The following SEPTIN11 variants were observed in gnomAD, a reference collection of about 807,000 sequenced individuals.
The protein encoded by SEPTIN11 is septin 11, also known as septin-11.
Under a neutral mutation model 51.4 loss-of-function variants are expected in SEPTIN11, and 25 were observed. The ratio of observed to expected loss-of-function variants is 0.49; its 90% CI spans 0.35 to 0.68. SEPTIN11 has a LOEUF of 0.68. Among genes scored for constraint, SEPTIN11 ranks in the 30% least tolerant of loss-of-function variants. The pLI is 0.00. For missense variants in SEPTIN11, 381 were observed against 520.8 expected, an observed-to-expected ratio of 0.73 and a Z score of 2.61; for synonymous variants, 174 against 184.1, an observed-to-expected ratio of 0.95 and a Z score of 0.44.
chr4:77,030,700 T>C lies in SEPTIN11; in HGVS notation c.1087-83T>C. On this transcript the variant is annotated intron_variant, in intron 8 of 9. Transcript: ENST00000264893. ...GTGAGCCACCGTGCCTGGCCATGTTTTGTTTTTTGAACAGATCCAAAGAAC... is the reference window on the plus strand; with the variant it reads ...GTGAGCCACCGTGCCTGGCCATGTTCTGTTTTTTGAACAGATCCAAAGAAC... 2.2e-6 allele frequency: 3 copies of C among 1,337,676 alleles called. No individual in the cohort carries two copies. In the South Asian group the frequency reaches 4.6e-5, roughly 20 times the overall value. The allele number at this position is 1,337,676 out of a possible 1,614,324, so 82.9% of individuals were successfully genotyped here. A position where few individuals can be genotyped will look rare whatever the true frequency, so the allele number is the denominator to read the frequency against.
At chr4:77,014,307 A>G (rs909417922) in intron 4 of SEPTIN11, among the ~76,000 whole-genome samples, 14 of 152,176 alleles carry the variant, frequency 9.2e-5, no homozygotes, top group Non-Finnish European at 1.5e-4. Context: ...CAGAAGAAAG[A>G]AAGGATGTTG....
Position 77,036,963 on chromosome 4 carries a change from T to C in SEPTIN11, c.*2451T>C, listed in dbSNP as rs1425740484. 3 of 1,276,458 alleles carry C rather than the reference T, an allele frequency of 2.4e-6. No homozygotes were observed. In the African/African-American group the frequency reaches 4.6e-5, roughly 20 times the overall value. 79.1% of individuals were successfully genotyped at this position (1,276,458 alleles called of 1,614,324 possible). On this transcript the variant is annotated 3_prime_UTR_variant, in exon 10 of 10. Coordinates refer to ENST00000264893, the MANE Select transcript of SEPTIN11 (RefSeq NM_018243.4). ...AGGAAGGTAATGGTTTGAGTAGCCT[T>C]TGTTTAAAAAAAAGACTAAATATAT...
At chr4:77,023,074 G>T (rs1725836304) in intron 7 of SEPTIN11, among the ~76,000 whole-genome samples, 1 of 152,090 alleles carries the variant, frequency 6.6e-6, no homozygotes, top group African/African-American at 2.4e-5. Context: ...GGCCCAGCAG[G>T]GCTTCTGCAA....
rs188450733 is a variant in SEPTIN11 at position 76,966,812 on chromosome 4, C to T, written c.27+16882C>T. On this transcript the variant is annotated intron_variant, in intron 1 of 9. Coordinates refer to ENST00000264893, the MANE Select transcript of SEPTIN11 (RefSeq NM_018243.4). ...CTGGGAGTTTCAGGCTGCAGTGAGC[C>T]GAGATTGTGCCACTGTACTCCAGCC... 4.9e-4 allele frequency among the ~76,000 whole-genome samples: 75 copies of T among 151,978 alleles called. 1 individual carries two copies. The South Asian group carries it at 5.6e-3, about 11-fold the overall frequency.
In SEPTIN11 at chr4:77,030,551, C is replaced by A. The variant is rs372605844; in HGVS notation, c.1087-232C>A. On this transcript the variant is annotated intron_variant, in intron 8 of 9. Transcript: ENST00000264893. ...AGCAGGGATTACAGGCACCCGCCAC[C>A]ACGCCTGGCTAATTTTTGTATTTTT... Among the ~76,000 whole-genome samples, 183 of 152,148 alleles carry A rather than the reference C, an allele frequency of 1.2e-3. 1 individual carries two copies. The highest frequency in any genetic ancestry group is 4.1e-3 in the African/African-American group (169 of 41,526).
At chr4:77,014,647 T>A (rs1252862606) in intron 4 of SEPTIN11, among the ~76,000 whole-genome samples, 1 of 146,598 alleles carries the variant, frequency 6.8e-6, no homozygotes, top group Non-Finnish European at 1.5e-5. Context: ...TGATTTTCAT[T>A]ATCATCTCTA....
rs907639612 is a variant in SEPTIN11, at chr4:77,037,638, C to G, written c.*3126C>G. On this transcript the variant is annotated 3_prime_UTR_variant, in exon 10 of 10. Transcript: ENST00000264893. ...TTGAGGGGCCTACATAACTAGCTGG[C>G]CTTACCCCATATCTTTTGTTCAAAC... The G allele has an allele frequency of 2.0e-6, 2 of 985,608 alleles. No individual in the cohort carries two copies. The highest frequency in any genetic ancestry group is 3.5e-5 in the African/African-American group (2 of 57,326). The allele number at this position is 985,608 out of a possible 1,614,324, so 61.1% of individuals were successfully genotyped here.
intron 1 of SEPTIN11, among the ~76,000 whole-genome samples, chr4:76,964,220 A>G (rs1721935688): frequency 6.6e-6 from 1 of 152,138 alleles, no homozygotes; most frequent in Non-Finnish European, 1.5e-5. Flanking sequence ...AATTCCAAAC[A>G]TACACAAGAG....
chr4:76,985,088 C>T (rs79092945), intron 1 of SEPTIN11: 5,867 of 152,336 alleles, frequency 0.039, 174 homozygotes, highest in Non-Finnish European at 0.061. Context: ...GGAATGCACA[C>T]GTGGACCTTG....
chr4:76,987,818 G>A (rs1237713920), intron 1 of SEPTIN11: 11 of 980,352 alleles, frequency 1.1e-5, no homozygotes, highest in Middle Eastern at 5.2e-4. Context: ...GCTCAGAGGC[G>A]TCTGTACTAC....
chr4:76,964,392 C>T (rs1046176142), intron 1 of SEPTIN11, among the ~76,000 whole-genome samples: 4 of 151,028 alleles, frequency 2.6e-5, no homozygotes, highest in Non-Finnish European at 5.9e-5. Context: ...CCTCCTCGCT[C>T]CCTTCTCTAA....
intron 1 of SEPTIN11, among the ~76,000 whole-genome samples, chr4:76,959,594 A>G (rs1439741206): frequency 6.6e-6 from 1 of 152,132 alleles, no homozygotes; most frequent in Non-Finnish European, 1.5e-5. Context: ...TTTCAAGTCA[A>G]TTGCATTTTT....
At chr4:76,956,971 T>TGTGTGTGTGC (rs1204932766) in intron 1 of SEPTIN11, among the ~76,000 whole-genome samples, 1 of 134,084 alleles carries the variant, frequency 7.5e-6, no homozygotes, top group Admixed American at 7.4e-5. Context: ...GATGTGTGTG[T>TGTGTGTGTGC]GTGTGTGTGT....
intron 1 of SEPTIN11, among the ~76,000 whole-genome samples, chr4:76,961,798 A>AC (rs771220871): frequency 9.2e-5 from 14 of 152,212 alleles, no homozygotes; most frequent in Non-Finnish European, 1.9e-4. Flanking sequence ...CGTAAGTTGA[A>AC]CCATTGTAAC....
chr4:76,983,717 G>A (rs2109918519), intron 1 of SEPTIN11, among the ~76,000 whole-genome samples: 1 of 152,220 alleles, frequency 6.6e-6, no homozygotes, highest in Non-Finnish European at 1.5e-5. Context: ...AGACACAGTA[G>A]AACTCTTAGA....
At chr4:76,950,386 G>A (rs1164441801) in intron 1 of SEPTIN11, among the ~76,000 whole-genome samples, 1 of 152,232 alleles carries the variant, frequency 6.6e-6, no homozygotes, top group Admixed American at 6.5e-5. Flanking sequence ...AAGCAGGTCA[G>A]AGGGGTGGGA....
At chr4:76,957,437 C>A (rs774517425) in intron 1 of SEPTIN11, among the ~76,000 whole-genome samples, 22 of 152,234 alleles carry the variant, frequency 1.4e-4, no homozygotes, top group Non-Finnish European at 2.5e-4. Flanking sequence ...TACCATTTAA[C>A]AAGCTTTGTG....
intron 1 of SEPTIN11, among the ~76,000 whole-genome samples, chr4:76,950,139 C>G (rs1490705355): frequency 1.3e-5 from 2 of 152,190 alleles, no homozygotes; most frequent in African/African-American, 4.8e-5. Context: ...AGTGGATCGC[C>G]TCGTCGCGCC....
intron 1 of SEPTIN11, among the ~76,000 whole-genome samples, chr4:76,981,779 A>G (rs1437022160): frequency 6.6e-6 from 1 of 150,388 alleles, no homozygotes; most frequent in African/African-American, 2.5e-5. Flanking sequence ...AGAAGTTTGC[A>G]TCAAATAGCT....
Sources: gnomAD v4.1 joint callset for allele counts (sites outside exome capture counted in the v4.1 genomes callset) on GRCh38, gnomAD v4.1.1 for gene constraint, MANE v1.5 for transcripts, NCBI Gene and HGNC (gene_info 2026-07-23, HGNC 2026-07-21) for gene names.